The following ADGRL1 variants were observed in gnomAD, a reference collection of about 807,000 sequenced individuals.
The protein encoded by ADGRL1 is CIRL-1.
ADGRL1 carries 31 observed loss-of-function variants against 148.9 expected under a neutral mutation model. The ratio of observed to expected loss-of-function variants is 0.21; its 90% CI spans 0.16 to 0.28. The LOEUF (loss-of-function observed/expected upper bound fraction) is 0.28, where lower values mean the gene tolerates loss of function less well. ADGRL1 is among the 10% of genes least tolerant of loss of function. The pLI, the probability that ADGRL1 is intolerant of heterozygous loss-of-function variation, is 1.00. For missense variants in ADGRL1, 1,521 were observed against 2,058.8 expected, an observed-to-expected ratio of 0.74 and a Z score of 5.05; for synonymous variants, 937 against 900.3, an observed-to-expected ratio of 1.04 and a Z score of -0.73.
chr19:14,160,343 G>A lies in ADGRL1; in HGVS notation c.1615-46C>T. 6.5e-7 allele frequency: 1 copy of A among 1,537,228 alleles called. No homozygotes were observed. Among genetic ancestry groups the A allele is most frequent in the Non-Finnish European group, 8.9e-7 (1 of 1,129,216 alleles). On this transcript the variant is annotated intron_variant, in intron 7 of 22. Transcript: ENST00000361434. This position sits in a 1 kb window ranked among gnomAD's most constrained non-coding sequence, Gnocchi z 5.9. ...AAGGGGGAATCCCAGGACTGTCAGG[G>A]ACCATCCTGCCCTCCCCGGCTTCCC... is the stretch of plus-strand genomic sequence containing the variant.
rs1283397259 is a variant in ADGRL1, at chr19:14,194,142, G to C, written c.-95-10445C>G. On this transcript the variant is annotated intron_variant, in intron 1 of 22. Coordinates refer to ENST00000361434, the MANE Select transcript of ADGRL1 (RefSeq NM_014921.5). ...ACCTGTAGTCCCAGCTGCTCGGGAG[G>C]CTGAGGCTGCAGTGACCTGTGATCG... 2.6e-5 allele frequency among the ~76,000 whole-genome samples: 4 copies of C among 152,188 alleles called. No homozygotes were observed. In the South Asian group the frequency reaches 8.3e-4, roughly 31 times the overall value.
chr19:14,171,582 C>T (rs1484554584), intron 3 of ADGRL1, among the ~76,000 whole-genome samples: 1 of 152,220 alleles, frequency 6.6e-6, no homozygotes, highest in Non-Finnish European at 1.5e-5. Flanking sequence ...AAGCCATGCA[C>T]GTGAGGTGGT....
At chr19:14,184,642 ATTT>A (rs1971464852) in intron 1 of ADGRL1, among the ~76,000 whole-genome samples, 1 of 107,872 alleles carries the variant, frequency 9.3e-6, no homozygotes, top group African/African-American at 4.9e-5. Context: ...TTATTTATTT[ATTT>A]ATTTTTTTTT....
intron 1 of ADGRL1, among the ~76,000 whole-genome samples, chr19:14,200,502 G>C: frequency 6.6e-6 from 1 of 151,386 alleles, no homozygotes; most frequent in Non-Finnish European, 1.5e-5. Context: ...GGACTGAAGA[G>C]AAGAAGAGAA....
chr19:14,151,455 C>T lies in ADGRL1; in HGVS notation c.3828G>A (p.Glu1276=). The T allele has an allele frequency of 6.2e-7, 1 of 1,612,856 alleles. No homozygotes were observed. Among genetic ancestry groups the T allele is most frequent in the Non-Finnish European group, 8.5e-7 (1 of 1,179,706 alleles). Residue 1276 remains glutamate, a synonymous_variant, in exon 23 of 23, where the codon GAG becomes GAA. Transcript: ENST00000361434. ...GRNLADAAAF[E]KMIISELVHN... ...GCACCAGCTCTGAGATGATCATCTT[C>T]TCAAAGGCCGCCGCATCGGCTAGGT...
At position 14,160,479 on chromosome 19, in the gene ADGRL1, C is replaced by T; in HGVS notation, c.1614+114G>A. 1.0e-6 allele frequency: 1 copy of T among 956,790 alleles called. No homozygotes were observed. Among genetic ancestry groups the T allele is most frequent in the Non-Finnish European group, 1.5e-6 (1 of 648,218 alleles). The allele number at this position is 956,790 out of a possible 1,614,324, so 59.3% of individuals were successfully genotyped here. On this transcript the variant is annotated intron_variant, in intron 7 of 22. Transcript: ENST00000361434. The surrounding 1 kb of genome is among the most constrained non-coding windows in gnomAD (Gnocchi z 5.9). ...TAGGCCAGGGAGGTGACCCCACAGTCCTGCCTTCCAGACCTGCCAGCCCAT... is the reference window on the plus strand; with the variant it reads ...TAGGCCAGGGAGGTGACCCCACAGTTCTGCCTTCCAGACCTGCCAGCCCAT...
intron 1 of ADGRL1, among the ~76,000 whole-genome samples, chr19:14,199,473 C>T (rs987625404): frequency 2.6e-5 from 4 of 151,580 alleles, no homozygotes; most frequent in South Asian, 2.1e-4. Context: ...ACTCTGTTGC[C>T]CAGGTTGGAG....
chr19:14,184,329 C>G (rs2145038517), intron 1 of ADGRL1, among the ~76,000 whole-genome samples: 1 of 152,074 alleles, frequency 6.6e-6, no homozygotes, highest in South Asian at 2.1e-4. Context: ...TCTGGGGGGG[C>G]CAGGGGAGAT....
intron 1 of ADGRL1, among the ~76,000 whole-genome samples, chr19:14,186,413 T>C (rs1365609845): frequency 6.6e-6 from 1 of 152,192 alleles, no homozygotes; most frequent in Non-Finnish European, 1.5e-5. Context: ...AATTAATTAT[T>C]TGTTGAATGA....
At chr19:14,164,030 G>GT (rs1467748168) in intron 4 of ADGRL1, among the ~76,000 whole-genome samples, 1 of 151,966 alleles carries the variant, frequency 6.6e-6, no homozygotes, top group Non-Finnish European at 1.5e-5. Flanking sequence ...GGTGTCAGGA[G>GT]TGTCTCCCTA....
chr19:14,201,735 G>A (rs889209315), intron 1 of ADGRL1, among the ~76,000 whole-genome samples: 15 of 152,192 alleles, frequency 9.9e-5, no homozygotes, highest in Non-Finnish European at 1.8e-4. Flanking sequence ...CTTCTTGAAC[G>A]CACACTGTGG....
rs536924566 is a variant in ADGRL1, at chr19:14,155,232, A to G, written c.3294+127T>C. 3 of 1,107,170 alleles carry G rather than the reference A, an allele frequency of 2.7e-6. No individual in the cohort carries two copies. In the African/African-American group the frequency reaches 4.7e-5, roughly 17 times the overall value. 68.6% of individuals were successfully genotyped at this position (1,107,170 alleles called of 1,614,324 possible). A position where few individuals can be genotyped will look rare whatever the true frequency, so the allele number is the denominator to read the frequency against. ...CGGTGGACGCAGACCTGACCACAGAAGCCCTGCAGCACTCACTGGGGGCTT... is the reference window on the plus strand; with the variant it reads ...CGGTGGACGCAGACCTGACCACAGAGGCCCTGCAGCACTCACTGGGGGCTT... On this transcript the variant is annotated intron_variant, in intron 18 of 22. Transcript: ENST00000361434. The surrounding 1 kb of genome is among the most constrained non-coding windows in gnomAD (Gnocchi z 5.0).
At chr19:14,154,444 C>T (rs1968523212) in intron 18 of ADGRL1, among the ~76,000 whole-genome samples, 1 of 152,190 alleles carries the variant, frequency 6.6e-6, no homozygotes, top group Admixed American at 6.6e-5. Flanking sequence ...CCATGTTCCC[C>T]AGCTACTGTT....
chr19:14,158,679 G>T, intron 11 of ADGRL1, 127 bp from the exon 12 acceptor site: 2 of 726,572 alleles, frequency 2.8e-6, no homozygotes, highest in Non-Finnish European at 2.3e-6. Context: ...GACCTCTGAA[G>T]CCAGTCCATA....
At chr19:14,189,868 G>A (rs576679861) in intron 1 of ADGRL1, among the ~76,000 whole-genome samples, 1 of 152,338 alleles carries the variant, frequency 6.6e-6, no homozygotes, top group Admixed American at 6.5e-5. Flanking sequence ...CCTTTCTGGT[G>A]TGTGTGGTGA....
In ADGRL1 at chr19:14,162,471, T is replaced by A; in HGVS notation, c.1195+135A>T. On this transcript the variant is annotated intron_variant, in intron 5 of 22. Transcript: ENST00000361434. This position sits in a 1 kb window ranked among gnomAD's most constrained non-coding sequence, Gnocchi z 5.4. ...AGTGCTTAGAACAGCGTCTGTCACATGCTGTGAATTTCCTTTACCTCCCGA... is the reference window on the plus strand; with the variant it reads ...AGTGCTTAGAACAGCGTCTGTCACAAGCTGTGAATTTCCTTTACCTCCCGA... 1 of 710,598 alleles carries A rather than the reference T, an allele frequency of 1.4e-6. No homozygotes were observed. Among genetic ancestry groups the A allele is most frequent in the Non-Finnish European group, 2.4e-6 (1 of 422,190 alleles). The allele number at this position is 710,598 out of a possible 1,614,324, so 44.0% of individuals were successfully genotyped here. A position where few individuals can be genotyped will look rare whatever the true frequency, so the allele number is the denominator to read the frequency against.
rs909229662 is a variant in ADGRL1 at position 14,161,790 on chromosome 19, G to T, written c.1196-164C>A. ...TGAGTTGATCTCCCCTGGCCGCTCT[G>T]TGCCCACCAAAGTCCCTTATGCCCA... On this transcript the variant is annotated intron_variant, in intron 5 of 22. Coordinates refer to ENST00000361434, the MANE Select transcript of ADGRL1 (RefSeq NM_014921.5). This position sits in a 1 kb window ranked among gnomAD's most constrained non-coding sequence, Gnocchi z 4.4. Among the ~76,000 whole-genome samples the T allele has an allele frequency of 6.6e-6, 1 of 152,160 alleles. No individual in the cohort carries two copies. Among genetic ancestry groups the T allele is most frequent in the Non-Finnish European group, 1.5e-5 (1 of 68,012 alleles).
intron 4 of ADGRL1, 87 bp from the exon 5 acceptor site, chr19:14,163,493 AG>A: frequency 1.1e-6 from 1 of 923,750 alleles, no homozygotes; most frequent in Non-Finnish European, 1.5e-6. Flanking sequence ...AGAGAGAGAG[AG>A]AGAGGGGGGA....
At chr19:14,176,212 G>C (rs542562762) in intron 3 of ADGRL1, among the ~76,000 whole-genome samples, 70 of 146,808 alleles carry the variant, frequency 4.8e-4, no homozygotes, top group East Asian at 2.7e-3. Flanking sequence ...TTAGCTTGGC[G>C]TGGTGGTGCG....
Sources: gnomAD v4.1 joint callset for allele counts (sites outside exome capture counted in the v4.1 genomes callset) on GRCh38, gnomAD v4.1.1 for gene constraint, Gnocchi (gnomAD v3.1) non-coding constraint, MANE v1.5 for transcripts, NCBI Gene and HGNC (gene_info 2026-07-23, HGNC 2026-07-21) for gene names.